USP14: variants seen among roughly 807,000 people sequenced by gnomAD.
USP14 encodes ubiquitin specific peptidase 14.
A neutral mutation model predicts 76.5 loss-of-function variants in USP14; 38 were observed. The ratio of observed to expected loss-of-function variants is 0.50; its 90% confidence interval spans 0.38 to 0.65. The LOEUF is 0.65. USP14 is among the 30% of genes least tolerant of loss of function. The probability of loss-of-function intolerance (pLI) is 0.00; values close to 1 mark genes in which losing one functional copy is unlikely to be tolerated. For synonymous variants in USP14, 192 were observed against 191.7 expected, an observed-to-expected ratio of 1.00 and a Z score of -0.01; for missense variants, 467 against 586.5, an observed-to-expected ratio of 0.80 and a Z score of 2.10.
intron 3 of USP14, among the ~76,000 whole-genome samples, chr18:172,152 C>A (rs778934007): frequency 6.6e-6 from 1 of 152,076 alleles, no homozygotes; most frequent in Non-Finnish European, 1.5e-5. Context: ...GCAGTAGGAT[C>A]GCTTAAGCCT....
Position 204,672 on chromosome 18 carries a change from G to C in USP14, c.1144G>C (p.Val382Leu). The change falls in exon 13 of 16, where the codon GTG becomes CTG. Residue 382 changes from valine to leucine, a missense_variant. By Grantham distance (32) the Val-to-Leu change is conservative. Transcript: ENST00000261601. ...SKFKDLEDKKVNQQPNTSDKK... is the reference protein window; with the variant it reads ...SKFKDLEDKKLNQQPNTSDKK... The stretch of plus-strand genomic sequence containing the variant: ...ATTCAAGGATCTAGAAGATAAAAAA[G>C]TGAATCAGCAGCCAAATACAGTAGG... The C allele has an allele frequency of 6.2e-7, 1 of 1,612,464 alleles. No homozygotes were observed. Among genetic ancestry groups the C allele is most frequent in the Non-Finnish European group, 8.5e-7 (1 of 1,179,562 alleles).
At chr18:176,806 G>GT (rs1226147368) in intron 3 of USP14, among the ~76,000 whole-genome samples, 1 of 151,906 alleles carries the variant, frequency 6.6e-6, no homozygotes, top group African/African-American at 2.4e-5. Context: ...TTGTGGTATG[G>GT]TATGAAGTAG....
intron 3 of USP14, among the ~76,000 whole-genome samples, chr18:176,260 AT>A (rs1909625533): frequency 1.3e-5 from 2 of 151,734 alleles, no homozygotes; most frequent in African/African-American, 4.8e-5. Flanking sequence ...AATTTTGAAA[AT>A]TTTTATATAA....
intron 5 of USP14, among the ~76,000 whole-genome samples, chr18:183,193 A>C (rs1377978456): frequency 6.6e-6 from 1 of 152,180 alleles, no homozygotes; most frequent in African/African-American, 2.4e-5. Flanking sequence ...GTCTAGGTCA[A>C]AGCCATTTTT....
chr18:197,307 C>A (rs966230593), intron 7 of USP14, among the ~76,000 whole-genome samples: 38 of 152,240 alleles, frequency 2.5e-4, no homozygotes, highest in African/African-American at 8.2e-4. Flanking sequence ...TTCCCCTGAT[C>A]ACTTACTGTT....
chr18:188,871 GT>G (rs1910009783), intron 5 of USP14, among the ~76,000 whole-genome samples: 1 of 151,994 alleles, frequency 6.6e-6, no homozygotes, highest in Admixed American at 6.6e-5. Context: ...TAGAGACGTG[GT>G]TTCACCATGT....
Position 211,281 on chromosome 18 carries a change from G to A in USP14, c.1482G>A (p.Gln494=). 6.2e-7 allele frequency: 1 copy of A among 1,603,444 alleles called. No individual in the cohort carries two copies. The highest frequency in any genetic ancestry group is 1.1e-5 in the South Asian group (1 of 89,580). ...AAATAATGGAAGAGGAAAGTGAACA[G>A]TAATCTTCATTTTAGTATTTATGCT... is the stretch of plus-strand genomic sequence containing the variant. ...RVEIMEEESE[Q] Residue 494 remains glutamine (Q), a synonymous_variant, in exon 16 of 16, where the codon CAG becomes CAA. Coordinates refer to ENST00000261601, the MANE Select transcript of USP14 (RefSeq NM_005151.4).
intron 3 of USP14, among the ~76,000 whole-genome samples, chr18:169,360 CAAAAAAAAAA>C (rs11336218): frequency 1.0e-4 from 8 of 79,352 alleles, no homozygotes; most frequent in Admixed American, 1.5e-4. Flanking sequence ...GACTCTACCT[CAAAAAAAAAA>C]AAAAAAAAAA....
chr18:163,216 C>T (rs1598261329), intron 1 of USP14, 92 bp from the exon 2 acceptor site: 5 of 1,197,580 alleles, frequency 4.2e-6, no homozygotes, highest in Non-Finnish European at 5.8e-6. Context: ...CATGTTTTGA[C>T]TCCCGATAAC....
intron 4 of USP14, among the ~76,000 whole-genome samples, 160 bp from the exon 5 acceptor site, chr18:180,076 A>G (rs879460295): frequency 2.0e-5 from 3 of 147,136 alleles, no homozygotes; most frequent in Non-Finnish European, 4.6e-5. Context: ...TTTTGGGGGA[A>G]ATAAAACTGT....
intron 3 of USP14, among the ~76,000 whole-genome samples, chr18:176,468 C>CT (rs1909631290): frequency 6.6e-6 from 1 of 152,030 alleles, no homozygotes; most frequent in Admixed American, 6.6e-5. Context: ...TTAATTTTTA[C>CT]TTTTTCTAGC....
chr18:158,752 C>T, intron 1 of USP14, 38 bp downstream of exon 1: 3 of 1,471,308 alleles, frequency 2.0e-6, no homozygotes, highest in East Asian at 2.9e-5. Flanking sequence ...GCACACCGGA[C>T]CGGCGCTAGG....
chr18:169,768 T>C (rs1176870626), intron 3 of USP14, among the ~76,000 whole-genome samples: 1 of 152,192 alleles, frequency 6.6e-6, no homozygotes, highest in Non-Finnish European at 1.5e-5. Context: ...TCATGTCTCT[T>C]TGTCACATTT....
intron 3 of USP14, among the ~76,000 whole-genome samples, chr18:175,358 G>A (rs1247692320): frequency 6.6e-6 from 1 of 152,132 alleles, no homozygotes; most frequent in Non-Finnish European, 1.5e-5. Flanking sequence ...GACCTTAGGG[G>A]AAAAGCCTCC....
chr18:214,592 A>T lies in USP14; in HGVS notation c.*3308A>T. 6.5e-7 allele frequency: 1 copy of T among 1,547,738 alleles called. No homozygotes were observed. Among genetic ancestry groups the T allele is most frequent in the Non-Finnish European group, 8.8e-7 (1 of 1,139,120 alleles). On this transcript the variant is annotated 3_prime_UTR_variant, in exon 16 of 16. Coordinates refer to ENST00000261601, the MANE Select transcript of USP14 (RefSeq NM_005151.4). The stretch of plus-strand genomic sequence containing the variant: ...CAAATGCTGCTTGGTAACAAAATCT[A>T]TCACAGTTTTAATAAAAAGAAAAAA...
chr18:210,181 A>G (rs1567837880), intron 14 of USP14, 150 bp downstream of exon 14: 1 of 737,962 alleles, frequency 1.4e-6, no homozygotes, highest in Non-Finnish European at 2.2e-6. Flanking sequence ...CATATAGTAA[A>G]TTTACTCATT....
rs1045090564 is a variant in USP14, at chr18:169,095, A to G, written c.195+2276A>G. Among the ~76,000 whole-genome samples, 3 of 150,230 alleles carry G rather than the reference A, an allele frequency of 2.0e-5. No homozygotes were observed. The East Asian group carries it at 5.9e-4, about 30-fold the overall frequency. Reference sequence around the variant, plus strand: ...CCATCTCAAAAAAAAAAAAGTGATAAGAGTGGACATCTTGGCTGGGTGTGG... The same window carrying G: ...CCATCTCAAAAAAAAAAAAGTGATAGGAGTGGACATCTTGGCTGGGTGTGG... On this transcript the variant is annotated intron_variant, in intron 3 of 15. Coordinates refer to ENST00000261601, the MANE Select transcript of USP14 (RefSeq NM_005151.4).
chr18:174,159 A>G (rs1220500513), intron 3 of USP14, among the ~76,000 whole-genome samples: 1 of 152,076 alleles, frequency 6.6e-6, no homozygotes, highest in Admixed American at 6.6e-5. Context: ...CTCAATATTG[A>G]GTCTTCTAAC....
At chr18:170,290 C>G (rs745356186) in intron 3 of USP14, among the ~76,000 whole-genome samples, 1 of 151,962 alleles carries the variant, frequency 6.6e-6, no homozygotes, top group African/African-American at 2.4e-5. Context: ...GCCAACAGAG[C>G]GAGACTCTGT....
Sources: allele counts gnomAD v4.1 joint callset (sites outside exome capture counted in the v4.1 genomes callset), GRCh38; gene constraint gnomAD v4.1.1; transcripts MANE v1.5; gene names NCBI Gene and HGNC (gene_info 2026-07-23, HGNC 2026-07-21).